The following CACNB1 variants were observed in gnomAD, a reference collection of about 807,000 sequenced individuals.
CACNB1 encodes the protein calcium voltage-gated channel auxiliary subunit beta 1.
A neutral mutation model predicts 71.6 loss-of-function variants in CACNB1; 29 were observed. That is an observed-to-expected ratio of 0.40 (90% confidence interval 0.30 to 0.55). The LOEUF (loss-of-function observed/expected upper bound fraction) is 0.55, where lower values mean the gene tolerates loss of function less well. Among genes scored for constraint, CACNB1 ranks in the 20% least tolerant of loss-of-function variants. CACNB1 has a pLI of 0.38. For missense variants in CACNB1, 623 were observed against 801.8 expected (o/e 0.78, Z 2.69); for synonymous variants, 300 against 319.6 (o/e 0.94, Z 0.65).
chr17:39,179,875 C>T (rs1475209152), intron 11 of CACNB1, among the ~76,000 whole-genome samples: 1 of 152,140 alleles, frequency 6.6e-6, no homozygotes, highest in Admixed American at 6.5e-5. Context: ...TGCCACTGCA[C>T]TCCAGCCTGG....
intron 2 of CACNB1, chr17:39,193,427 C>A (rs1160658144): frequency 2.2e-6 from 1 of 448,238 alleles, no homozygotes; most frequent in Non-Finnish European, 4.5e-6. Flanking sequence ...CCCGCTGCCA[C>A]CCCACTCCAT....
rs556734069 is a variant in CACNB1, at chr17:39,187,517, T to C, written c.376A>G (p.Ile126Val). Residue 126 changes from isoleucine (I) to valine (V), a missense_variant, in exon 4 of 14, where the codon ATC becomes GTC. Physicochemically the swap from Ile to Val is conservative, Grantham distance 29. Transcript: ENST00000394303. ...AGGAAGTCTTTGGGCTCGAAGGTGA[T>C]GGCCACTCCCTGCACAGGCACCTCA... ...GDEVPVQGVA[I>V]TFEPKDFLHI... is the part of the protein sequence containing the mutation. 1.2e-6 allele frequency: 2 copies of C among 1,614,092 alleles called. No individual in the cohort carries two copies. The highest frequency in any genetic ancestry group is 2.7e-5 in the African/African-American group (2 of 75,024).
chr17:39,185,928 G>C, intron 6 of CACNB1: 1 of 1,605,818 alleles, frequency 6.2e-7, no homozygotes, highest in Non-Finnish European at 8.5e-7. Flanking sequence ...CCCACCTCTT[G>C]CAAGAACACA....
intron 11 of CACNB1, among the ~76,000 whole-genome samples, chr17:39,180,654 C>G (rs1249527441): frequency 7.0e-6 from 1 of 142,708 alleles, no homozygotes; most frequent in East Asian, 2.4e-4. Context: ...GACTTCGTCC[C>G]CCCTCAAAAA....
intron 11 of CACNB1, among the ~76,000 whole-genome samples, chr17:39,179,835 G>A (rs901686449): frequency 6.6e-6 from 1 of 152,092 alleles, no homozygotes; most frequent in African/African-American, 2.4e-5. Context: ...CTTGAACTTG[G>A]GAGGCAGAGG....
chr17:39,194,997 G>A lies in CACNB1; in HGVS notation c.85-27C>T. ...TGAAGAGGCCAGGAAAGGAACAAGA[G>A]TAGAATCAGAAGGGCCCTTTCCCAA... is the stretch of plus-strand genomic sequence containing the variant. On this transcript the variant is annotated intron_variant, in intron 1 of 13. Coordinates refer to ENST00000394303, the MANE Select transcript of CACNB1 (RefSeq NM_000723.5). The surrounding 1 kb of genome is among the most constrained non-coding windows in gnomAD (Gnocchi z 4.6). 1 of 1,539,524 alleles carries A rather than the reference G, an allele frequency of 6.5e-7. No homozygotes were observed. The highest frequency in any genetic ancestry group is 8.9e-7 in the Non-Finnish European group (1 of 1,118,144).
intron 3 of CACNB1, 80 bp from the exon 4 acceptor site, chr17:39,187,681 G>A: frequency 2.0e-6 from 3 of 1,484,290 alleles, no homozygotes; most frequent in Non-Finnish European, 1.9e-6. Context: ...AGTAGTGGTG[G>A]TTACTTGGAT....
At chr17:39,193,060 GCA>G (rs963414933) in intron 2 of CACNB1, 7 of 177,212 alleles carry the variant, frequency 4.0e-5, no homozygotes, top group South Asian at 1.8e-4. Flanking sequence ...GCATGCGCGT[GCA>G]CACACACACT....
Position 39,175,755 on chromosome 17 carries a change from G to T in CACNB1, c.1333-98C>A. 1 of 1,006,526 alleles carries T rather than the reference G, an allele frequency of 9.9e-7. No individual in the cohort carries two copies. Among genetic ancestry groups the T allele is most frequent in the Non-Finnish European group, 1.4e-6 (1 of 695,896 alleles). 62.3% of individuals were successfully genotyped at this position (1,006,526 alleles called of 1,614,324 possible). A position where few individuals can be genotyped will look rare whatever the true frequency, so the allele number is the denominator to read the frequency against. On this transcript the variant is annotated intron_variant, in intron 13 of 13. Transcript: ENST00000394303. This position sits in a 1 kb window ranked among gnomAD's most constrained non-coding sequence, Gnocchi z 4.7. Reference sequence around the variant, plus strand: ...GTTAGTGACAGCATTAAGAGGTCCGGCCTGGATGAAGAGGGTGCTGGCTCT... The same window carrying T: ...GTTAGTGACAGCATTAAGAGGTCCGTCCTGGATGAAGAGGGTGCTGGCTCT...
At position 39,197,534 on chromosome 17, in the gene CACNB1, C is replaced by G. The variant is rs1460725893; in HGVS notation, c.-39G>C. 5 of 1,451,180 alleles carry G rather than the reference C, an allele frequency of 3.4e-6. No homozygotes were observed. In the Admixed American group the frequency reaches 1.3e-4, roughly 38 times the overall value. 89.9% of individuals were successfully genotyped at this position (1,451,180 alleles called of 1,614,324 possible). ...CCCTCCCGCCGCCGGCCCGGCCCAG[C>G]CGGGCTCCCTCAGCGCATGGGAGAG... On this transcript the variant is annotated 5_prime_UTR_variant, in exon 1 of 14. Transcript: ENST00000394303.
chr17:39,196,703 C>A (rs547225521), intron 1 of CACNB1, among the ~76,000 whole-genome samples: 2 of 151,994 alleles, frequency 1.3e-5, no homozygotes, highest in East Asian at 3.9e-4. Flanking sequence ...GAGAAGTAGA[C>A]CCCTCCCCCA....
Position 39,183,845 on chromosome 17 carries a change from G to T in CACNB1, c.918C>A (p.Ile306=). 2 of 1,613,668 alleles carry T rather than the reference G, an allele frequency of 1.2e-6. No homozygotes were observed. The highest frequency in any genetic ancestry group is 1.7e-6 in the Non-Finnish European group (2 of 1,179,714). ...TCCGGGCCAGCTCGAAGATTCGCTC[G>T]ATTTCACTCTGCACCTCAGCTGGGG... ...RSSLAEVQSE[I]ERIFELARTL... is the part of the protein sequence containing the mutation. Residue 306 remains isoleucine, a synonymous_variant, in exon 11 of 14, where the codon ATC becomes ATA. Coordinates refer to ENST00000394303, the MANE Select transcript of CACNB1 (RefSeq NM_000723.5).
At chr17:39,185,470 T>A (rs1410193140) in intron 6 of CACNB1, among the ~76,000 whole-genome samples, 1 of 152,072 alleles carries the variant, frequency 6.6e-6, no homozygotes, top group Admixed American at 6.5e-5. Flanking sequence ...TGACAGCCCC[T>A]ATCTTGTTGC....
chr17:39,177,977 C>G lies in CACNB1; in HGVS notation c.1146+7G>C. 1.9e-6 allele frequency: 3 copies of G among 1,602,748 alleles called. No individual in the cohort carries two copies. Among genetic ancestry groups the G allele is most frequent in the Non-Finnish European group, 2.6e-6 (3 of 1,169,668 alleles). The stretch of plus-strand genomic sequence containing the variant: ...TCCATTCCCTTCCCTGGGATCTAGG[C>G]ACTCACAGGGGGGCACTGTGCCAGC... On this transcript the variant is annotated splice_region_variant and intron_variant, in intron 12 of 13. Coordinates refer to ENST00000394303, the MANE Select transcript of CACNB1 (RefSeq NM_000723.5).
At chr17:39,179,645 T>A (rs1025245083) in intron 11 of CACNB1, among the ~76,000 whole-genome samples, 1 of 151,184 alleles carries the variant, frequency 6.6e-6, no homozygotes, top group Non-Finnish European at 1.5e-5. Context: ...ACACCTGTAA[T>A]CCCAGTACTT....
At chr17:39,192,959 C>T (rs1057105948) in intron 2 of CACNB1, 2 of 153,580 alleles carry the variant, frequency 1.3e-5, no homozygotes, top group African/African-American at 2.4e-5. Flanking sequence ...CCTCTCCCCC[C>T]TGATGGGAGC....
chr17:39,178,540 C>T (rs1380556472), intron 11 of CACNB1, among the ~76,000 whole-genome samples: 1 of 151,914 alleles, frequency 6.6e-6, no homozygotes, highest in African/African-American at 2.4e-5. Context: ...CCATCATACC[C>T]CACTAATTTT....
At position 39,197,510 on chromosome 17, in the gene CACNB1, C is replaced by T. The variant is rs953971521; in HGVS notation, c.-15G>A. The T allele has an allele frequency of 3.4e-6, 5 of 1,482,642 alleles. No individual in the cohort carries two copies. In the Admixed American group the frequency reaches 1.3e-4, roughly 38 times the overall value. The allele number at this position is 1,482,642 out of a possible 1,614,324, so 91.8% of individuals were successfully genotyped here. A position where few individuals can be genotyped will look rare whatever the true frequency, so the allele number is the denominator to read the frequency against. On this transcript the variant is annotated 5_prime_UTR_variant, in exon 1 of 14. Transcript: ENST00000394303. ...TTCTGGACCATGGAGAGGAGCCTCC[C>T]CTCCCGCCGCCGGCCCGGCCCAGCC...
Position 39,194,377 on chromosome 17 carries a change from C to T in CACNB1, c.171+507G>A, listed in dbSNP as rs919275926. ...CTCATGCCTCAACCACCCCCACCCCCGTCACCATCACCCTTTCTCTGTGCT... is the reference window on the plus strand; with the variant it reads ...CTCATGCCTCAACCACCCCCACCCCTGTCACCATCACCCTTTCTCTGTGCT... On this transcript the variant is annotated intron_variant, in intron 2 of 13. Transcript: ENST00000394303. This position sits in a 1 kb window ranked among gnomAD's most constrained non-coding sequence, Gnocchi z 4.6. 6.6e-5 allele frequency among the ~76,000 whole-genome samples: 10 copies of T among 152,150 alleles called. No individual in the cohort carries two copies. The highest frequency in any genetic ancestry group is 1.9e-4 in the East Asian group (1 of 5,198).
Sources: allele counts gnomAD v4.1 joint callset (sites outside exome capture counted in the v4.1 genomes callset), GRCh38; gene constraint gnomAD v4.1.1; non-coding constraint Gnocchi (gnomAD v3.1); transcripts MANE v1.5; gene names NCBI Gene and HGNC (gene_info 2026-07-23, HGNC 2026-07-21).